The following ZNF808 variants were observed in gnomAD, a reference collection of about 807,000 sequenced individuals.
ZNF808 encodes the protein zinc finger protein 808.
Under a neutral mutation model 8.7 loss-of-function variants are expected in ZNF808, and 5 were observed. That is an observed-to-expected ratio of 0.58 (90% confidence interval 0.30 to 1.21). ZNF808 has a LOEUF of 1.21. ZNF808 is among the 50% of genes most tolerant of loss of function. ZNF808 has a pLI of 0.07. For missense variants in ZNF808, 1,103 were observed against 1,098.4 expected, an observed-to-expected ratio of 1.00 and a Z score of -0.06; for synonymous variants, 380 against 366.0, an observed-to-expected ratio of 1.04 and a Z score of -0.44.
intron 3 of ZNF808, among the ~76,000 whole-genome samples, chr19:52,543,722 G>C (rs2059694585): frequency 6.6e-6 from 1 of 152,330 alleles, no homozygotes; most frequent in Non-Finnish European, 1.5e-5. Context: ...AAATACGTAT[G>C]TTAATGTGCG....
chr19:52,548,018 C>A (rs1478895119), intron 4 of ZNF808, among the ~76,000 whole-genome samples: 2 of 152,150 alleles, frequency 1.3e-5, no homozygotes, highest in Non-Finnish European at 2.9e-5. Flanking sequence ...GGATTACAGG[C>A]GTGAGCCACC....
downstream of ZNF808, among the ~76,000 whole-genome samples, chr19:52,560,940 A>G (rs953756857): frequency 4.0e-5 from 6 of 151,666 alleles, no homozygotes; most frequent in Non-Finnish European, 7.4e-5. Context: ...CAATTTCCCC[A>G]TGAGCCCCTC....
At chr19:52,564,035 T>C in exon 4 of ZNF808, 1 of 562,174 alleles carries the variant, frequency 1.8e-6, no homozygotes, top group Admixed American at 2.8e-5. Context: ...CTCTCCTCCT[T>C]TGTCTGCCAT....
downstream of ZNF808, among the ~76,000 whole-genome samples, chr19:52,557,391 C>T (rs1378768989): frequency 4.6e-5 from 7 of 151,920 alleles, no homozygotes; most frequent in Non-Finnish European, 8.8e-5. Context: ...CTCAGCATAC[C>T]GAGTAGTTGG....
At position 52,554,076 on chromosome 19, in the gene ZNF808, C is replaced by A. The variant is rs2059806729; in HGVS notation, c.1160C>A (p.Ala387Glu). 6.2e-7 allele frequency: 1 copy of A among 1,613,952 alleles called. No individual in the cohort carries two copies. The highest frequency in any genetic ancestry group is 1.7e-5 in the Admixed American group (1 of 59,988). The change falls in exon 5 of 5, where the codon GCA becomes GAA. Residue 387 changes from alanine (A) to glutamate (E), a missense_variant. By Grantham distance (107) the Ala-to-Glu change is moderately radical. Coordinates refer to ENST00000359798, the MANE Select transcript of ZNF808 (RefSeq NM_001039886.4). ...EKAFACHSYL[A>E]NHTRIHSGEK... ...GCTTTTGCGTGTCATTCCTATCTGGCAAACCATACTAGAATTCATAGTGGA... is the reference window on the plus strand; with the variant it reads ...GCTTTTGCGTGTCATTCCTATCTGGAAAACCATACTAGAATTCATAGTGGA...
At chr19:52,550,377 T>C (rs2059765126) in intron 4 of ZNF808, among the ~76,000 whole-genome samples, 1 of 152,022 alleles carries the variant, frequency 6.6e-6, no homozygotes, top group Non-Finnish European at 1.5e-5. Flanking sequence ...ATTAGAGGCA[T>C]GCACCACCAC....
At chr19:52,547,420 A>C in intron 3 of ZNF808, 92 bp from the exon 4 acceptor site, 1 of 1,595,784 alleles carries the variant, frequency 6.3e-7, no homozygotes, top group Non-Finnish European at 8.5e-7. Flanking sequence ...GTCTTTGATC[A>C]AATAAATACT....
Position 52,554,847 on chromosome 19 carries a change from T to C in ZNF808, c.1931T>C (p.Ile644Thr). The change falls in exon 5 of 5, where the codon ATT (isoleucine) becomes ACT (threonine). Residue 644 changes from isoleucine (I) to threonine (T), a missense_variant. Coordinates refer to ENST00000359798, the MANE Select transcript of ZNF808 (RefSeq NM_001039886.4). ...WNSQLARHTRIHTGEKTYKCN... is the reference protein window; with the variant it reads ...WNSQLARHTRTHTGEKTYKCN... ...TCACAGCTGGCACGACATACAAGAATTCACACTGGAGAAAAAACTTACAAG... is the reference window on the plus strand; with the variant it reads ...TCACAGCTGGCACGACATACAAGAACTCACACTGGAGAAAAAACTTACAAG... 6.2e-7 allele frequency: 1 copy of C among 1,614,138 alleles called. No homozygotes were observed. Among genetic ancestry groups the C allele is most frequent in the Non-Finnish European group, 8.5e-7 (1 of 1,180,016 alleles).
intron 2 of ZNF808, among the ~76,000 whole-genome samples, chr19:52,537,225 G>A (rs1417102192): frequency 6.6e-6 from 1 of 151,888 alleles, no homozygotes; most frequent in African/African-American, 2.4e-5. Flanking sequence ...GGATGGAGCA[G>A]AAGAGGTGGA....
In ZNF808 at chr19:52,534,627, C is replaced by T. The variant is rs1361251707; in HGVS notation, c.-20+1618C>T. ...TTCCTGGGCCAGGCATGGTGACTCA[C>T]GAGTGTAATCCCAGCACTTTGGGAG... On this transcript the variant is annotated intron_variant, in intron 2 of 4. Coordinates refer to ENST00000359798, the MANE Select transcript of ZNF808 (RefSeq NM_001039886.4). 2.6e-5 allele frequency among the ~76,000 whole-genome samples: 4 copies of T among 151,774 alleles called. No homozygotes were observed. The East Asian group carries it at 5.8e-4, about 22-fold the overall frequency.
chr19:52,540,978 G>A (rs897185978), intron 2 of ZNF808, among the ~76,000 whole-genome samples: 2 of 152,120 alleles, frequency 1.3e-5, no homozygotes, highest in African/African-American at 4.8e-5. Context: ...TTGAGATGGA[G>A]TCTCGCTCTG....
chr19:52,547,222 A>G (rs2059730735), intron 3 of ZNF808, among the ~76,000 whole-genome samples: 1 of 152,126 alleles, frequency 6.6e-6, no homozygotes, highest in African/African-American at 2.4e-5. Context: ...TGTTGGGATT[A>G]CAGGCATGAA....
chr19:52,556,584 A>G (rs1002544039), downstream of ZNF808: 1 of 152,024 alleles, frequency 6.6e-6, no homozygotes, highest in Non-Finnish European at 1.5e-5. Context: ...TTGGCATCCC[A>G]AAGTCCTGGG....
downstream of ZNF808, among the ~76,000 whole-genome samples, chr19:52,567,025 C>A (rs535961707): frequency 6.6e-6 from 1 of 150,924 alleles, no homozygotes; most frequent in Admixed American, 6.6e-5. Flanking sequence ...AATCTCGGCT[C>A]ATTGCAACTT....
At chr19:52,543,911 C>A (rs1348854492) in intron 3 of ZNF808, among the ~76,000 whole-genome samples, 1 of 151,430 alleles carries the variant, frequency 6.6e-6, no homozygotes, top group Admixed American at 6.6e-5. Context: ...GTAATCCCAG[C>A]ATTTTGGGAG....
At chr19:52,534,552 T>C (rs186484321) in intron 2 of ZNF808, among the ~76,000 whole-genome samples, 1 of 152,220 alleles carries the variant, frequency 6.6e-6, no homozygotes, top group Admixed American at 6.5e-5. Context: ...GGAAGACTCT[T>C]TGTTTTTCAA....
At chr19:52,530,112 G>A (rs572214832) in intron 1 of ZNF808, among the ~76,000 whole-genome samples, 16 of 151,748 alleles carry the variant, frequency 1.1e-4, no homozygotes, top group Non-Finnish European at 2.2e-4. Context: ...CCAGGCTAGC[G>A]TGCGATGGCA....
chr19:52,537,146 A>G (rs542463613), intron 2 of ZNF808, among the ~76,000 whole-genome samples: 5 of 151,982 alleles, frequency 3.3e-5, no homozygotes, highest in Non-Finnish European at 5.9e-5. Flanking sequence ...AGATCGCACC[A>G]TTGCACTCCA....
chr19:52,567,411 GTTTTC>G (rs769950936), downstream of ZNF808, among the ~76,000 whole-genome samples: 46 of 146,512 alleles, frequency 3.1e-4, no homozygotes, highest in Non-Finnish European at 6.4e-4. Context: ...GTAACTGGTA[GTTTTC>G]TTTTTTTTTT....
Sources: gnomAD v4.1 joint callset for allele counts (sites outside exome capture counted in the v4.1 genomes callset) on GRCh38, gnomAD v4.1.1 for gene constraint, MANE v1.5 for transcripts, NCBI Gene and HGNC (gene_info 2026-07-23, HGNC 2026-07-21) for gene names.